The following PROM1 variants were observed in gnomAD, a reference collection of about 807,000 sequenced individuals.
PROM1 encodes the protein prominin-1.
In PROM1, 105 loss-of-function variants were observed where a neutral mutation model predicts 116.9. That is an observed-to-expected ratio of 0.90 (90% CI 0.77 to 1.06). The LOEUF is 1.06. Ranked by LOEUF, PROM1 falls within the 50% of genes least tolerant of loss-of-function variation. The pLI, the probability that PROM1 is intolerant of heterozygous loss-of-function variation, is 0.00. For synonymous variants in PROM1, 393 were observed against 387.0 expected (o/e 1.02, Z -0.18); for missense variants, 1,122 against 1,045.2 (o/e 1.07, Z -1.01).
At position 15,975,283 on chromosome 4, in the gene PROM1, A is replaced by G. The variant is rs187627979; in HGVS notation, c.2582+4112T>C. On this transcript the variant is annotated intron_variant, in intron 26 of 27. Coordinates refer to ENST00000447510, the MANE Select transcript of PROM1 (RefSeq NM_006017.3). ...CGTCCTGGATGGAGTGCGGTGGTGC[A>G]ATCTCAGCTCACTGCAACCTCCGCC... 2.7e-3 allele frequency among the ~76,000 whole-genome samples: 412 copies of G among 152,144 alleles called. 6 individuals are homozygous for G. The highest frequency in any genetic ancestry group is 9.5e-3 in the African/African-American group (395 of 41,518).
intron 6 of PROM1, 24 bp downstream of exon 6, chr4:16,025,168 G>A (rs763451841): frequency 5.0e-6 from 8 of 1,609,338 alleles, no homozygotes; most frequent in Middle Eastern, 1.6e-4. Flanking sequence ...AAGCATCGCG[G>A]TACATAGAGA....
intron 1 of PROM1, chr4:16,081,978 C>T (rs1745133260): frequency 6.6e-6 from 1 of 152,020 alleles, no homozygotes. Flanking sequence ...AGTAAGGGGG[C>T]TCTGGTCCCC....
At chr4:15,987,818 T>C (rs1719845936) in intron 19 of PROM1, 102 bp from the exon 20 acceptor site, 1 of 889,522 alleles carries the variant, frequency 1.1e-6, no homozygotes, top group South Asian at 1.5e-5. Flanking sequence ...AATCTGTCTT[T>C]ACACTGTAAT....
chr4:16,042,274 T>C (rs1444411886), intron 2 of PROM1, among the ~76,000 whole-genome samples: 2 of 152,336 alleles, frequency 1.3e-5, no homozygotes, highest in East Asian at 3.9e-4. Flanking sequence ...TACTTATGCC[T>C]TTCTAACGTG....
intron 2 of PROM1, among the ~76,000 whole-genome samples, chr4:16,048,860 A>T (rs1415945301): frequency 6.6e-6 from 1 of 152,130 alleles, no homozygotes; most frequent in East Asian, 1.9e-4. Flanking sequence ...CTTTACCTGG[A>T]TGTAGCATGT....
chr4:16,015,688 T>A (rs1728191486), intron 10 of PROM1, among the ~76,000 whole-genome samples: 1 of 151,566 alleles, frequency 6.6e-6, no homozygotes, highest in Non-Finnish European at 1.5e-5. Flanking sequence ...GGATTCCACC[T>A]CAAAAAACAA....
intron 9 of PROM1, among the ~76,000 whole-genome samples, chr4:16,017,595 C>G (rs1312813377): frequency 6.6e-6 from 1 of 152,138 alleles, no homozygotes; most frequent in Non-Finnish European, 1.5e-5. Context: ...CTAAGGCAGG[C>G]AGATCACTTG....
chr4:15,989,092 T>C (rs1202166464), intron 19 of PROM1, among the ~76,000 whole-genome samples: 2 of 152,120 alleles, frequency 1.3e-5, no homozygotes, highest in Non-Finnish European at 2.9e-5. Context: ...TTCATTTCCA[T>C]GAACAGGTAA....
intron 13 of PROM1, among the ~76,000 whole-genome samples, chr4:16,001,732 A>T (rs746014684): frequency 6.6e-6 from 1 of 152,072 alleles, no homozygotes; most frequent in African/African-American, 2.4e-5. Context: ...TCAGCAGGAG[A>T]GGAGGGCACA....
chr4:16,050,418 A>G (rs1340652687), intron 2 of PROM1, among the ~76,000 whole-genome samples: 3 of 152,206 alleles, frequency 2.0e-5, no homozygotes, highest in Admixed American at 1.3e-4. Flanking sequence ...CAGTGGCACG[A>G]TCATGGCTCA....
In PROM1 at chr4:15,987,710, G is replaced by C. The variant is rs761258781; in HGVS notation, c.2083C>G (p.Leu695Val). 2 of 1,610,734 alleles carry C rather than the reference G, an allele frequency of 1.2e-6. No individual in the cohort carries two copies. The highest frequency in any genetic ancestry group is 4.5e-5 in the East Asian group (2 of 44,820). The change falls in exon 20 of 28, where the codon CTA (leucine) becomes GTA (valine). Residue 695 changes from leucine (L) to valine (V), a missense_variant. Leu to Val is a conservative substitution (Grantham distance 32). Coordinates refer to ENST00000447510, the MANE Select transcript of PROM1 (RefSeq NM_006017.3). The part of the protein sequence containing the change: ...VLPIEQSLST[L>V]YQSVKILQRT... ...TGAAGTATCTTGACGCTTTGGTATA[G>C]AGTGCTCTGGCAAGAAACAGATAAT...
At chr4:16,012,738 G>A (rs1727203886) in intron 11 of PROM1, among the ~76,000 whole-genome samples, 1 of 151,890 alleles carries the variant, frequency 6.6e-6, no homozygotes, top group Non-Finnish European at 1.5e-5. Flanking sequence ...GGGTGTGGTG[G>A]CGGGCACCTG....
chr4:16,013,285 A>G lies in PROM1; in HGVS notation c.1131T>C (p.Thr377=), dbSNP rs1204336219. The G allele has an allele frequency of 1.2e-6, 2 of 1,606,758 alleles. No individual in the cohort carries two copies. The highest frequency in any genetic ancestry group is 2.2e-5 in the East Asian group (1 of 44,846). The part of the protein sequence containing the change: ...IPDRVQRQTT[T]VVAGIKRVLN... ...AACTGTGAATCTCACCTGCTACGAC[A>G]GTCGTGGTTTGGCGTTGTACTCTGT... The change falls in exon 11 of 28, where the codon ACT becomes ACC. Residue 377 remains threonine (T), a synonymous_variant. Coordinates refer to ENST00000447510, the MANE Select transcript of PROM1 (RefSeq NM_006017.3).
At chr4:16,023,536 C>G in intron 7 of PROM1, 121 bp from the exon 8 acceptor site, 1 of 725,358 alleles carries the variant, frequency 1.4e-6, no homozygotes, top group Non-Finnish European at 2.3e-6. Flanking sequence ...CATCCTGGAC[C>G]CTGTCTAGGG....
At chr4:16,055,347 A>G (rs1488247591) in intron 2 of PROM1, 2 of 455,502 alleles carry the variant, frequency 4.4e-6, no homozygotes, top group Non-Finnish European at 4.4e-6. Flanking sequence ...CCAGGCAAAA[A>G]TTCCCCTTGT....
rs180769788 is a variant in PROM1 at position 15,984,253 on chromosome 4, G to A, written c.2373+10C>T. On this transcript the variant is annotated intron_variant, in intron 23 of 27. Coordinates refer to ENST00000447510, the MANE Select transcript of PROM1 (RefSeq NM_006017.3). ...TTCATTGTGTCTTCTTTTGAAAGAT[G>A]AAATCTTACCAAGGGGTCGATAATG... The A allele has an allele frequency of 1.3e-6, 2 of 1,566,920 alleles. No individual in the cohort carries two copies. Among genetic ancestry groups the A allele is most frequent in the Non-Finnish European group, 8.8e-7 (1 of 1,142,574 alleles).
chr4:16,006,406 T>C, intron 13 of PROM1, 132 bp downstream of exon 13: 1 of 1,100,868 alleles, frequency 9.1e-7, no homozygotes, highest in Non-Finnish European at 1.3e-6. Context: ...GGATCTCTCC[T>C]CCTCGCGACC....
rs770849693 is a variant in PROM1 at position 16,018,443 on chromosome 4, C to T, written c.882G>A (p.Val294=). The part of the protein sequence containing the change: ...STQLSSSLTS[V]KTSLRSSLND... ...TGAGAGATGACCGCAGGCTAGTTTTCACGCTGGTCAGACTGCTGCTAAGCT... is the reference window on the plus strand; with the variant it reads ...TGAGAGATGACCGCAGGCTAGTTTTTACGCTGGTCAGACTGCTGCTAAGCT... Residue 294 remains valine, a synonymous_variant, in exon 9 of 28, where the codon GTG becomes GTA. Coordinates refer to ENST00000447510, the MANE Select transcript of PROM1 (RefSeq NM_006017.3). The T allele has an allele frequency of 2.5e-6, 4 of 1,613,802 alleles. No individual in the cohort carries two copies. In the Admixed American group the frequency reaches 6.7e-5, roughly 27 times the overall value.
intron 16 of PROM1, among the ~76,000 whole-genome samples, chr4:15,992,781 C>G (rs778503181): frequency 6.6e-6 from 1 of 152,158 alleles, no homozygotes. Context: ...AACAGAGAAG[C>G]TGAAAGGGAC....
Sources: allele counts gnomAD v4.1 joint callset (sites outside exome capture counted in the v4.1 genomes callset), GRCh38; gene constraint gnomAD v4.1.1; transcripts MANE v1.5; gene names NCBI Gene and HGNC (gene_info 2026-07-23, HGNC 2026-07-21).